ADGRL3: variants seen among roughly 807,000 people sequenced by gnomAD.
ADGRL3 encodes the protein adhesion G protein-coupled receptor L3.
ADGRL3 carries 62 observed loss-of-function variants against 153.5 expected under a neutral mutation model. The observed-to-expected ratio is 0.40, with a 90% confidence interval of 0.33 to 0.50. The LOEUF is 0.50. Among genes scored for constraint, ADGRL3 ranks in the 20% least tolerant of loss-of-function variants. The probability of loss-of-function intolerance (pLI) is 0.47; values close to 1 mark genes in which losing one functional copy is unlikely to be tolerated. For synonymous variants in ADGRL3, 710 were observed against 672.5 expected, an observed-to-expected ratio of 1.06 and a Z score of -0.86; for missense variants, 1,641 against 1,859.4, an observed-to-expected ratio of 0.88 and a Z score of 2.16.
intron 1 of ADGRL3, among the ~76,000 whole-genome samples, chr4:61,208,623 G>A (rs138539821): frequency 0.01 from 1,569 of 152,078 alleles, 11 homozygotes; most frequent in Middle Eastern, 0.02. Context: ...TCACACTTTA[G>A]AACTCATGAA....
At chr4:61,955,018 C>T (rs2098960947) in intron 17 of ADGRL3, among the ~76,000 whole-genome samples, 1 of 152,266 alleles carries the variant, frequency 6.6e-6, no homozygotes, top group South Asian at 2.1e-4. Flanking sequence ...TCCAGCTGAA[C>T]GTTGCTTAGA....
At chr4:61,392,294 C>T (rs2096818081) in intron 2 of ADGRL3, among the ~76,000 whole-genome samples, 1 of 152,044 alleles carries the variant, frequency 6.6e-6, no homozygotes. Flanking sequence ...TAACTGTTTT[C>T]GGTACTGGAT....
intron 1 of ADGRL3, among the ~76,000 whole-genome samples, chr4:61,322,376 A>G (rs2095376157): frequency 6.6e-6 from 1 of 152,122 alleles, no homozygotes; most frequent in Non-Finnish European, 1.5e-5. Context: ...ACATTTCAAA[A>G]CCAATCATGC....
At chr4:61,304,152 A>G (rs1183345158) in intron 1 of ADGRL3, among the ~76,000 whole-genome samples, 2 of 152,152 alleles carry the variant, frequency 1.3e-5, no homozygotes, top group Non-Finnish European at 2.9e-5. Context: ...TAGCCCACCT[A>G]TGTTGCTTTT....
intron 9 of ADGRL3, among the ~76,000 whole-genome samples, chr4:61,885,248 A>C (rs775417219): frequency 6.6e-6 from 1 of 152,200 alleles, no homozygotes; most frequent in Non-Finnish European, 1.5e-5. Flanking sequence ...GAATCGCTTG[A>C]ACCCAGGAGG....
intron 1 of ADGRL3, among the ~76,000 whole-genome samples, chr4:61,227,269 GA>G (rs1181179685): frequency 6.6e-6 from 1 of 151,938 alleles, no homozygotes; most frequent in Non-Finnish European, 1.5e-5. Context: ...GCAGAGATCT[GA>G]TCATGGCTCA....
At chr4:61,532,024 C>T (rs2098620690) in intron 4 of ADGRL3, among the ~76,000 whole-genome samples, 3 of 152,102 alleles carry the variant, frequency 2.0e-5, no homozygotes, top group South Asian at 2.1e-4. Flanking sequence ...TATTTGATAT[C>T]ATTCAATCTG....
intron 5 of ADGRL3, among the ~76,000 whole-genome samples, chr4:61,630,722 A>C (rs911116712): frequency 6.6e-6 from 1 of 152,242 alleles, no homozygotes; most frequent in Non-Finnish European, 1.5e-5. Flanking sequence ...TAGGTTGTAA[A>C]TCATGGTCAC....
At chr4:61,645,655 A>G (rs878952226) in intron 5 of ADGRL3, among the ~76,000 whole-genome samples, 47 of 152,146 alleles carry the variant, frequency 3.1e-4, no homozygotes, top group Non-Finnish European at 4.4e-4. Flanking sequence ...CGAGAGATCC[A>G]CTGTTAGTCT....
intron 1 of ADGRL3, among the ~76,000 whole-genome samples, chr4:61,317,077 TAA>T (rs2150667408): frequency 6.6e-6 from 1 of 152,312 alleles, no homozygotes; most frequent in Admixed American, 6.5e-5. Flanking sequence ...TAGAAAGGTA[TAA>T]GAGAGGAGTA....
At chr4:61,875,296 G>A (rs113692516) in intron 9 of ADGRL3, among the ~76,000 whole-genome samples, 2 of 152,156 alleles carry the variant, frequency 1.3e-5, no homozygotes, top group African/African-American at 4.8e-5. Flanking sequence ...TTCATTGCCA[G>A]TGGTAGATGG....
At chr4:61,252,690 CTTT>C (rs5858685) in intron 1 of ADGRL3, among the ~76,000 whole-genome samples, 13 of 148,016 alleles carry the variant, frequency 8.8e-5, no homozygotes, top group Admixed American at 6.7e-4. Context: ...ATTAGATGAA[CTTT>C]TTTTTTTTTT....
chr4:61,596,966 GAA>G, intron 5 of ADGRL3, among the ~76,000 whole-genome samples: 1 of 151,576 alleles, frequency 6.6e-6, no homozygotes, highest in East Asian at 1.9e-4. Context: ...CGCTTGTGTA[GAA>G]AAAGATATAT....
intron 2 of ADGRL3, among the ~76,000 whole-genome samples, chr4:61,384,491 C>T (rs2096712413): frequency 6.6e-6 from 1 of 151,036 alleles, no homozygotes; most frequent in Non-Finnish European, 1.5e-5. Flanking sequence ...AATTTACATA[C>T]ATTTTCTATT....
At chr4:61,640,273 GT>G (rs1038626042) in intron 5 of ADGRL3, among the ~76,000 whole-genome samples, 1 of 152,068 alleles carries the variant, frequency 6.6e-6, no homozygotes, top group African/African-American at 2.4e-5. Flanking sequence ...CAAACACCAG[GT>G]TTGTAACAGG....
chr4:61,383,563 AG>A (rs2096698913), intron 2 of ADGRL3, among the ~76,000 whole-genome samples: 1 of 151,740 alleles, frequency 6.6e-6, no homozygotes, highest in African/African-American at 2.4e-5. Flanking sequence ...AACCATATTG[AG>A]TTTTTTTCAG....
chr4:61,631,765 TTTTTTTTTCTTTTC>T (rs1363251311), intron 5 of ADGRL3, among the ~76,000 whole-genome samples: 14 of 149,860 alleles, frequency 9.3e-5, no homozygotes, highest in Admixed American at 4.7e-4. Flanking sequence ...TAAATTTAAT[TTTTTTTTTCTTTTC>T]TTTTTTTTCT....
At chr4:61,646,350 G>A (rs1011174278) in intron 5 of ADGRL3, among the ~76,000 whole-genome samples, 2 of 151,984 alleles carry the variant, frequency 1.3e-5, no homozygotes, top group African/African-American at 2.4e-5. Context: ...CTTTGGAGGA[G>A]GAGAGGCACT....
intron 25 of ADGRL3, among the ~76,000 whole-genome samples, chr4:62,050,141 G>A (rs749505491): frequency 6.6e-5 from 10 of 152,000 alleles, no homozygotes; most frequent in Non-Finnish European, 1.3e-4. Context: ...ATAATAGATT[G>A]TGCTACCCTG....
Sources: allele counts gnomAD v4.1 joint callset (sites outside exome capture counted in the v4.1 genomes callset), GRCh38; gene constraint gnomAD v4.1.1; transcripts MANE v1.5; gene names NCBI Gene and HGNC (gene_info 2026-07-23, HGNC 2026-07-21).